The following ANK2 variants were observed in gnomAD, a reference collection of about 807,000 sequenced individuals.
ANK2 encodes the protein ankyrin 2.
In ANK2, 83 loss-of-function variants were observed where a neutral mutation model predicts 360.5. The ratio of observed to expected loss-of-function variants is 0.23; its 90% CI spans 0.19 to 0.28. The LOEUF (loss-of-function observed/expected upper bound fraction) is 0.28. ANK2 is among the 10% of genes least tolerant of loss of function. ANK2 has a pLI of 1.00. For missense variants in ANK2, 4,201 were observed against 4,795.7 expected (o/e 0.88, Z 3.66); for synonymous variants, 1,740 against 1,759.5 (o/e 0.99, Z 0.28).
rs1368603715 is a variant in ANK2, at chr4:113,015,062, G to T, written c.21+110548G>T. ...TTTAGTAGAGGCGGGATTTCACTGT[G>T]TTAGCCAGGATGGCCTCGATCTCCT... On this transcript the variant is annotated intron_variant, in intron 2 of 30. Transcript: ENST00000503271. Among the ~76,000 whole-genome samples, 3 of 151,652 alleles carry T rather than the reference G, an allele frequency of 2.0e-5. No homozygotes were observed. The East Asian group carries it at 5.8e-4, about 29-fold the overall frequency.
At position 113,102,606 on chromosome 4, in the gene ANK2, AAG is replaced by A. The variant is rs768541207; in HGVS notation, c.84+52796_84+52797del. The stretch of plus-strand genomic sequence containing the variant: ...TGAAGCAAAGCAGAAAGACCATGAA[AAG>A]AACAGGAGAAAGTTGAGTGCCAGAA... On this transcript the variant is annotated intron_variant, in intron 1 of 45. Transcript: ENST00000357077. Among the ~76,000 whole-genome samples, 12 of 152,272 alleles carry A rather than the reference AAG, an allele frequency of 7.9e-5. No homozygotes were observed. In the East Asian group the frequency reaches 2.3e-3, roughly 29 times the overall value.
rs2090041957 is a variant in ANK2, at chr4:113,094,421, T to C, written c.84+44609T>C. 2.0e-5 allele frequency among the ~76,000 whole-genome samples: 3 copies of C among 152,192 alleles called. No homozygotes were observed. In the South Asian group the frequency reaches 6.2e-4, roughly 32 times the overall value. On this transcript the variant is annotated intron_variant, in intron 1 of 45. Coordinates refer to ENST00000357077, the MANE Select transcript of ANK2 (RefSeq NM_001148.6). ...TGTTCTTAAATACAAATTTTGATAC[T>C]TATCTGAAGGGGATATTTGATTATG...
chr4:113,372,671 A>T, intron 43 of ANK2: 1 of 1,319,670 alleles, frequency 7.6e-7, no homozygotes, highest in Non-Finnish European at 1.1e-6. Context: ...TCCTGTCCCC[A>T]TATTCTAAGA....
chr4:112,874,150 C>T (rs1253332184), intron 1 of ANK2, among the ~76,000 whole-genome samples: 3 of 144,552 alleles, frequency 2.1e-5, no homozygotes, highest in Non-Finnish European at 4.5e-5. Context: ...GGCGCCATCT[C>T]GGCTCACTGC....
At chr4:113,111,157 G>C (rs1250048326) in intron 1 of ANK2, among the ~76,000 whole-genome samples, 2 of 152,050 alleles carry the variant, frequency 1.3e-5, no homozygotes, top group Non-Finnish European at 2.9e-5. Flanking sequence ...GTCACATAAA[G>C]AATAACAATT....
At chr4:112,759,557 C>T in the ANK2 span, among the ~76,000 whole-genome samples, 2 of 152,122 alleles carry the variant, frequency 1.3e-5, no homozygotes, top group South Asian at 4.1e-4. Context: ...ATCCTCTTTG[C>T]TCTGTTCCTT....
At chr4:112,787,618 C>T in the ANK2 span, among the ~76,000 whole-genome samples, 1 of 152,322 alleles carries the variant, frequency 6.6e-6, no homozygotes, top group East Asian at 1.9e-4. Flanking sequence ...AAGTCCACTC[C>T]ATGGGTCAAG....
At chr4:113,079,496 T>G (rs543095275) in intron 1 of ANK2, among the ~76,000 whole-genome samples, 2 of 152,348 alleles carry the variant, frequency 1.3e-5, no homozygotes, top group African/African-American at 4.8e-5. Context: ...ATGTTTGGTT[T>G]TCTTTTCTAG....
rs756374268 is a variant in ANK2 at position 113,341,920 on chromosome 4, C to T, written c.4122+4C>T. ...GGCCAGAAGCAGGGATGTGGAGGTACTGTACCAAAAATAATAATAATAATT... is the reference window on the plus strand; with the variant it reads ...GGCCAGAAGCAGGGATGTGGAGGTATTGTACCAAAAATAATAATAATAATT... On this transcript the variant is annotated splice_donor_region_variant and intron_variant, in intron 33 of 45. Transcript: ENST00000357077. 1.6e-5 allele frequency: 25 copies of T among 1,594,724 alleles called. No individual in the cohort carries two copies. In the South Asian group the frequency reaches 2.8e-4, roughly 18 times the overall value.
intron 1 of ANK2, among the ~76,000 whole-genome samples, chr4:113,104,199 G>A (rs1018183078): frequency 6.6e-6 from 1 of 152,052 alleles, no homozygotes; most frequent in Middle Eastern, 3.2e-3. Context: ...TAGATGCTGG[G>A]GTTGTTGCTG....
chr4:112,776,887 G>T, the ANK2 span, among the ~76,000 whole-genome samples: 275 of 152,212 alleles, frequency 1.8e-3, 1 homozygote, highest in African/African-American at 6.5e-3. Flanking sequence ...AATGGCTTTC[G>T]GTTGAGAGTC....
At chr4:113,328,112 G>T (rs1425387123) in intron 26 of ANK2, among the ~76,000 whole-genome samples, 1 of 152,170 alleles carries the variant, frequency 6.6e-6, no homozygotes, top group Non-Finnish European at 1.5e-5. Context: ...AGAGGTTATA[G>T]CACACAACAT....
rs377555678 is a variant in ANK2, at chr4:113,373,397, A to G, written c.11807A>G (p.Tyr3936Cys). 1.2e-4 allele frequency: 194 copies of G among 1,614,100 alleles called. No individual in the cohort carries two copies. Among genetic ancestry groups the G allele is most frequent in the Non-Finnish European group, 1.5e-4 (181 of 1,180,038 alleles). Reference protein sequence around the residue: ...EPVNIEEGDGYSKVIKRVVLK... With the variant: ...EPVNIEEGDGCSKVIKRVVLK... Reference sequence around the variant, plus strand: ...GTCAACATCGAGGAAGGGGATGGCTATTCCAAAGTTATAAAGCGTGTTGTA... The same window carrying G: ...GTCAACATCGAGGAAGGGGATGGCTGTTCCAAAGTTATAAAGCGTGTTGTA... Residue 3936 changes from tyrosine (Y) to cysteine (C), a missense_variant, in exon 45 of 46, where the codon TAT (tyrosine) becomes TGT (cysteine). By Grantham distance (194) the Tyr-to-Cys change is radical. Coordinates refer to ENST00000357077, the MANE Select transcript of ANK2 (RefSeq NM_001148.6).
At chr4:112,785,592 C>T in the ANK2 span, among the ~76,000 whole-genome samples, 13 of 151,766 alleles carry the variant, frequency 8.6e-5, no homozygotes, top group South Asian at 2.1e-4. Flanking sequence ...AGGCTAGTCT[C>T]GAACACCTGA....
At chr4:112,727,598 T>C in the ANK2 span, among the ~76,000 whole-genome samples, 2 of 152,138 alleles carry the variant, frequency 1.3e-5, no homozygotes, top group African/African-American at 4.8e-5. Context: ...TACAAACCTT[T>C]AGTGAGACTA....
chr4:112,962,710 G>C (rs1219333975), intron 2 of ANK2, among the ~76,000 whole-genome samples: 5 of 152,124 alleles, frequency 3.3e-5, no homozygotes, highest in Non-Finnish European at 7.4e-5. Flanking sequence ...ATATGCTTAA[G>C]CCCTACCACC....
intron 1 of ANK2, among the ~76,000 whole-genome samples, chr4:113,093,521 G>T (rs1336481636): frequency 6.6e-6 from 1 of 152,024 alleles, no homozygotes; most frequent in African/African-American, 2.4e-5. Flanking sequence ...GGTATTTTTA[G>T]TAGAGACAGA....
At chr4:113,311,116 G>A (rs2079728282) in intron 23 of ANK2, 139 bp from the exon 24 acceptor site, 1 of 1,012,484 alleles carries the variant, frequency 9.9e-7, no homozygotes, top group Admixed American at 1.9e-5. Context: ...TTGTTTGCTG[G>A]TGTTCTGTGT....
At chr4:112,924,454 T>C (rs1186916179) in intron 2 of ANK2, among the ~76,000 whole-genome samples, 1 of 152,010 alleles carries the variant, frequency 6.6e-6, no homozygotes, top group East Asian at 1.9e-4. Context: ...AGATAACCAG[T>C]GCATATTCTG....
Sources: allele counts gnomAD v4.1 joint callset (sites outside exome capture counted in the v4.1 genomes callset), GRCh38; gene constraint gnomAD v4.1.1; transcripts MANE v1.5; gene names NCBI Gene and HGNC (gene_info 2026-07-23, HGNC 2026-07-21).